CATSPERB: variants seen among roughly 807,000 people sequenced by gnomAD.
The protein encoded by CATSPERB is cation channel sperm-associated auxiliary subunit beta.
Under a neutral mutation model 128.3 loss-of-function variants are expected in CATSPERB, and 93 were observed. The ratio of observed to expected loss-of-function variants is 0.72; its 90% CI spans 0.61 to 0.86. The LOEUF (loss-of-function observed/expected upper bound fraction) is 0.86. Ranked by LOEUF, CATSPERB falls within the 40% of genes least tolerant of loss-of-function variation. The pLI, the probability that CATSPERB is intolerant of heterozygous loss-of-function variation, is 0.00. For synonymous variants in CATSPERB, 381 were observed against 448.8 expected, an observed-to-expected ratio of 0.85 and a Z score of 1.91; for missense variants, 1,153 against 1,329.5, an observed-to-expected ratio of 0.87 and a Z score of 2.06.
chr14:91,683,273 C>T (rs1263526894), intron 11 of CATSPERB, among the ~76,000 whole-genome samples: 1 of 152,140 alleles, frequency 6.6e-6, no homozygotes, highest in East Asian at 1.9e-4. Context: ...GGACAAATTC[C>T]ATTCTGGTAC....
At chr14:91,699,280 A>G (rs1037636267) in intron 7 of CATSPERB, among the ~76,000 whole-genome samples, 1 of 152,162 alleles carries the variant, frequency 6.6e-6, no homozygotes, top group South Asian at 2.1e-4. Context: ...GAATCTCCAC[A>G]CTGTTTTTCA....
chr14:91,684,375 G>C (rs142667907), intron 10 of CATSPERB, among the ~76,000 whole-genome samples: 1,769 of 152,316 alleles, frequency 0.012, 22 homozygotes, highest in Middle Eastern at 0.061. Context: ...TTGGTCATGA[G>C]AGACAAGCTT....
intron 22 of CATSPERB, chr14:91,604,536 C>T (rs551661566): frequency 1.2e-6 from 2 of 1,606,940 alleles, no homozygotes; most frequent in South Asian, 2.2e-5. Flanking sequence ...GCCTCCAAGT[C>T]ACTGGCAGGA....
In CATSPERB at chr14:91,729,550, A is replaced by G. The variant is rs1425792802; in HGVS notation, c.1-71T>C. ...TTTTTGAATTCCTTTTGCTATAAAC[A>G]ACTACAAAGTAGTAAAGAAATAATC... On this transcript the variant is annotated intron_variant, in intron 1 of 26. Coordinates refer to ENST00000256343, the MANE Select transcript of CATSPERB (RefSeq NM_024764.4). 3.9e-6 allele frequency: 3 copies of G among 766,528 alleles called. No homozygotes were observed. In the African/African-American group the frequency reaches 5.3e-5, roughly 13 times the overall value. 47.5% of individuals were successfully genotyped at this position (766,528 alleles called of 1,614,324 possible). A position where few individuals can be genotyped will look rare whatever the true frequency, so the allele number is the denominator to read the frequency against.
chr14:91,587,113 A>T (rs1254635476), intron 26 of CATSPERB, 89 bp downstream of exon 26: 1 of 1,047,824 alleles, frequency 9.5e-7, no homozygotes, highest in African/African-American at 1.6e-5. Context: ...AAATTCTGCC[A>T]ATTTTTTCTC....
At chr14:91,589,414 C>T (rs1893357637) in intron 24 of CATSPERB, 120 bp downstream of exon 24, 1 of 901,800 alleles carries the variant, frequency 1.1e-6, no homozygotes, top group South Asian at 2.6e-5. Context: ...GATCCAAATC[C>T]ATTTGCAAGA....
intron 22 of CATSPERB, among the ~76,000 whole-genome samples, chr14:91,603,974 T>TC (rs1893653232): frequency 6.6e-6 from 1 of 151,858 alleles, no homozygotes; most frequent in Admixed American, 6.6e-5. Context: ...TATTTTTTTT[T>TC]TTTTTGTCTC....
At chr14:91,637,516 C>T (rs1281219957) in intron 16 of CATSPERB, among the ~76,000 whole-genome samples, 1 of 152,138 alleles carries the variant, frequency 6.6e-6, no homozygotes, top group Non-Finnish European at 1.5e-5. Context: ...TATGCAAGTC[C>T]AATGAAAGGC....
At chr14:91,659,579 A>T (rs954205329) in intron 15 of CATSPERB, among the ~76,000 whole-genome samples, 1 of 152,222 alleles carries the variant, frequency 6.6e-6, no homozygotes. Flanking sequence ...TTGTAGCTTG[A>T]CAAGTGGTAG....
In CATSPERB at chr14:91,630,651, C is replaced by A. The variant is rs144960613; in HGVS notation, c.1743-5644G>T. Among the ~76,000 whole-genome samples the A allele has an allele frequency of 4.7e-3, 710 of 152,280 alleles. 3 individuals carry two copies. The highest frequency in any genetic ancestry group is 0.016 in the African/African-American group (675 of 41,544). ...CAGATCCTGTCTTCACTCAACTGCA[C>A]CTGCTCCAGCACCATAATCTGTCAC... On this transcript the variant is annotated intron_variant, in intron 17 of 26. Transcript: ENST00000256343.
intron 17 of CATSPERB, among the ~76,000 whole-genome samples, chr14:91,632,894 T>A (rs547112336): frequency 1.3e-5 from 2 of 151,978 alleles, no homozygotes; most frequent in South Asian, 4.2e-4. Flanking sequence ...GAGATAAAAC[T>A]CCCATGTGGA....
intron 19 of CATSPERB, 31 bp from the exon 20 acceptor site, chr14:91,617,767 G>C: frequency 6.7e-7 from 1 of 1,483,238 alleles, no homozygotes; most frequent in Non-Finnish European, 9.2e-7. Context: ...GTTAATATTA[G>C]ATAATGAAAA....
intron 7 of CATSPERB, among the ~76,000 whole-genome samples, chr14:91,693,784 AG>A (rs1895512388): frequency 6.6e-6 from 1 of 152,232 alleles, no homozygotes; most frequent in South Asian, 2.1e-4. Flanking sequence ...GAAGGGCATC[AG>A]AATATGCCAA....
At chr14:91,697,535 A>C (rs1033471595) in intron 7 of CATSPERB, among the ~76,000 whole-genome samples, 2 of 152,214 alleles carry the variant, frequency 1.3e-5, no homozygotes, top group African/African-American at 4.8e-5. Context: ...TCTTTACTCC[A>C]TCTTGAGTTA....
chr14:91,656,609 C>T (rs1894791853), intron 15 of CATSPERB, among the ~76,000 whole-genome samples: 1 of 151,890 alleles, frequency 6.6e-6, no homozygotes, highest in Non-Finnish European at 1.5e-5. Flanking sequence ...AAGAGAAGAC[C>T]ACAAAACAAT....
chr14:91,613,380 A>G (rs1893869968), intron 20 of CATSPERB, among the ~76,000 whole-genome samples: 1 of 152,210 alleles, frequency 6.6e-6, no homozygotes, highest in Non-Finnish European at 1.5e-5. Context: ...ACTTGAAAGG[A>G]TTAGAACATA....
rs1488071365 is a variant in CATSPERB, at chr14:91,592,304, C to G, written c.2710-302G>C. The G allele has an allele frequency of 1.1e-5, 4 of 377,472 alleles. No individual in the cohort carries two copies. The Admixed American group carries it at 1.8e-4, about 17-fold the overall frequency. 23.4% of individuals were successfully genotyped at this position (377,472 alleles called of 1,614,324 possible). ...AATTCTGCATCCCAGGACTACCAAA[C>G]TAACTGCTCTTGGCCCCTGCCAGTG... On this transcript the variant is annotated intron_variant, in intron 22 of 26. Transcript: ENST00000256343.
At chr14:91,650,873 G>A (rs1566718556) in intron 15 of CATSPERB, among the ~76,000 whole-genome samples, 1 of 151,664 alleles carries the variant, frequency 6.6e-6, no homozygotes, top group Admixed American at 6.6e-5. Flanking sequence ...CCACTTATTT[G>A]TTCATTTTAC....
intron 2 of CATSPERB, among the ~76,000 whole-genome samples, chr14:91,727,221 C>A (rs1234147950): frequency 6.6e-6 from 1 of 152,104 alleles, no homozygotes; most frequent in Non-Finnish European, 1.5e-5. Flanking sequence ...GAATCTGTCT[C>A]CCAGGTAGTG....
Sources: allele counts gnomAD v4.1 joint callset (sites outside exome capture counted in the v4.1 genomes callset), GRCh38; gene constraint gnomAD v4.1.1; transcripts MANE v1.5; gene names NCBI Gene and HGNC (gene_info 2026-07-23, HGNC 2026-07-21).